Variants in PARS2 observed in about 807,000 individuals in gnomAD.
The protein encoded by PARS2 is prolyl-tRNA synthetase 2, mitochondrial, also known as probable proline--tRNA ligase, mitochondrial.
Under a neutral mutation model 27.4 loss-of-function variants are expected in PARS2, and 20 were observed. That is an observed-to-expected ratio of 0.73 (90% CI 0.51 to 1.06). PARS2 has a LOEUF of 1.06. Ranked by LOEUF, PARS2 falls within the 50% of genes least tolerant of loss-of-function variation. PARS2 has a pLI of 0.00. For missense variants in PARS2, 585 were observed against 602.1 expected, an observed-to-expected ratio of 0.97 and a Z score of 0.30; for synonymous variants, 240 against 247.1, an observed-to-expected ratio of 0.97 and a Z score of 0.27.
chr1:54,760,289 A>G (rs1646148278), intron 1 of PARS2, among the ~76,000 whole-genome samples: 1 of 152,192 alleles, frequency 6.6e-6, no homozygotes, highest in African/African-American at 2.4e-5. Context: ...GAATGAACTC[A>G]GCATTCTCCC....
chr1:54,757,344 A>C lies in PARS2; in HGVS notation c.*390T>G. On this transcript the variant is annotated 3_prime_UTR_variant, in exon 2 of 2. Transcript: ENST00000371279. ...TGGTCAAACTGATACGGGGTGGGGA[A>C]GGTTGGTGGGCTCTCAGCCATCAGC... 6.1e-6 allele frequency: 1 copy of C among 163,424 alleles called. No homozygotes were observed. The allele number at this position is 163,424 out of a possible 1,614,324, so 10.1% of individuals were successfully genotyped here. A position where few individuals can be genotyped will look rare whatever the true frequency, so the allele number is the denominator to read the frequency against.
intron 1 of PARS2, 45 bp from the exon 2 acceptor site, chr1:54,759,235 C>T (rs1405095996): frequency 1.6e-6 from 2 of 1,270,912 alleles, no homozygotes; most frequent in Non-Finnish European, 2.1e-6. Flanking sequence ...ATCCGTGTTC[C>T]AACACCATGA....
rs142468095 is a variant in PARS2 at position 54,758,182 on chromosome 1, T to C, written c.980A>G (p.Asn327Ser). 2 of 1,614,172 alleles carry C rather than the reference T, an allele frequency of 1.2e-6. No homozygotes were observed. Among genetic ancestry groups the C allele is most frequent in the Non-Finnish European group, 1.7e-6 (2 of 1,180,014 alleles). Reference protein sequence around the residue: ...YSSIFNAQFTNVCGKPTLAEM... With the variant: ...YSSIFNAQFTSVCGKPTLAEM... ...AGCCAGGGTTGGTTTGCCACAGACA[T>C]TGGTAAACTGGGCATTGAAAATGGA... The change falls in exon 2 of 2, where the codon AAT becomes AGT. Residue 327 changes from asparagine (N) to serine (S), a missense_variant. Physicochemically the swap from Asn to Ser is conservative, Grantham distance 46. Transcript: ENST00000371279.
chr1:54,759,111 G>GTT lies in PARS2; in HGVS notation c.50_51insAA (p.Cys17Ter). 1 of 1,611,082 alleles carries GTT rather than the reference G, an allele frequency of 6.2e-7. No homozygotes were observed. Among genetic ancestry groups the GTT allele is most frequent in the South Asian group, 1.1e-5 (1 of 90,922 alleles). ...GAACATACCCAGAGAGCTGGCGGCT[G>GTT]CAGGTGGCCAGGGCGGGCAATGCTC... ...RCRALPALAT[C>*]SRQLSGYVPC... is the part of the protein sequence containing the mutation. The change falls in exon 2 of 2, where the codon TGC (cysteine) becomes TGAAC (stop). Residue 17 changes from cysteine (C) to a stop codon, truncating the protein, a stop_gained and frameshift_variant. Transcript: ENST00000371279. LOFTEE classifies it high-confidence loss of function.
In PARS2 at chr1:54,759,012, G is replaced by T. The variant is rs756197119; in HGVS notation, c.150C>A (p.Asn50Lys). Residue 50 changes from asparagine (N) to lysine (K), a missense_variant, in exon 2 of 2, where the codon AAC (asparagine) becomes AAA (lysine). Coordinates refer to ENST00000371279, the MANE Select transcript of PARS2 (RefSeq NM_152268.4). Reference sequence around the variant, plus strand: ...GGGAGAGCACCCGGTCTTCCCGAAGGTTCTGTGGCTGGAACACACGAGACA... The same window carrying T: ...GGGAGAGCACCCGGTCTTCCCGAAGTTTCTGTGGCTGGAACACACGAGACA... ...LLLSRVFQPQ[N>K]LREDRVLSLQ... 1.7e-5 allele frequency: 28 copies of T among 1,614,102 alleles called. No individual in the cohort carries two copies. Among genetic ancestry groups the T allele is most frequent in the Admixed American group, 1.7e-5 (1 of 60,008 alleles).
At position 54,758,236 on chromosome 1, in the gene PARS2, T is replaced by C; in HGVS notation, c.926A>G (p.His309Arg). 6.2e-7 allele frequency: 1 copy of C among 1,614,236 alleles called. No individual in the cohort carries two copies. Among genetic ancestry groups the C allele is most frequent in the Non-Finnish European group, 8.5e-7 (1 of 1,180,038 alleles). Residue 309 changes from histidine (H) to arginine (R), a missense_variant, in exon 2 of 2, where the codon CAC becomes CGC. His to Arg is a conservative substitution (Grantham distance 29, BLOSUM62 0). Coordinates refer to ENST00000371279, the MANE Select transcript of PARS2 (RefSeq NM_152268.4). ...GTACTTGGTACCCAGGTAAAATGTG[T>C]GCCCCACCTCAATGCCTTTGGTTTT... Reference protein sequence around the residue: ...LTKTKGIEVGHTFYLGTKYSS... With the variant: ...LTKTKGIEVGRTFYLGTKYSS...
In PARS2 at chr1:54,758,163, G is replaced by C; in HGVS notation, c.999C>G (p.Thr333=). ...AGCCATAGCACCCCATTTCAGCCAGGGTTGGTTTGCCACAGACATTGGTAA... is the reference window on the plus strand; with the variant it reads ...AGCCATAGCACCCCATTTCAGCCAGCGTTGGTTTGCCACAGACATTGGTAA... ...AQFTNVCGKP[T]LAEMGCYGLG... Residue 333 remains threonine, a synonymous_variant, in exon 2 of 2, where the codon ACC becomes ACG. Transcript: ENST00000371279. 6.2e-7 allele frequency: 1 copy of C among 1,614,210 alleles called. No homozygotes were observed. Among genetic ancestry groups the C allele is most frequent in the South Asian group, 1.1e-5 (1 of 91,090 alleles).
Position 54,757,773 on chromosome 1 carries a change from A to C in PARS2, c.1389T>G (p.Asp463Glu). 6.2e-7 allele frequency: 1 copy of C among 1,613,726 alleles called. No individual in the cohort carries two copies. Among genetic ancestry groups the C allele is most frequent in the Non-Finnish European group, 8.5e-7 (1 of 1,179,840 alleles). Residue 463 changes from aspartate to glutamate, a missense_variant, in exon 2 of 2, where the codon GAT becomes GAG. By Grantham distance (45) the Asp-to-Glu change is conservative. Coordinates refer to ENST00000371279, the MANE Select transcript of PARS2 (RefSeq NM_152268.4). ...NTGEVAFLTK[D>E]GVMDLLTPVQ... ...CTGGGGTCAGTAAATCCATGACTCC[A>C]TCTTTGGTGAGGAAGGCCACCTCAC...
intron 1 of PARS2, among the ~76,000 whole-genome samples, chr1:54,763,912 C>T (rs540540324): frequency 5.9e-5 from 9 of 152,204 alleles, no homozygotes; most frequent in Admixed American, 2.0e-4. Context: ...ATGCCCAACT[C>T]AGAAAAGGGA....
rs769480068 is a variant in PARS2 at position 54,759,157 on chromosome 1, T to G, written c.5A>C (p.Glu2Ala). Reference protein sequence around the residue: MEGLLTRCRALP... With the variant: MAGLLTRCRALP... ...TGCTCTGCATCTTGTCAGCAGCCCTTCCATGACACCCTGGCACCGGGAAGC... is the reference window on the plus strand; with the variant it reads ...TGCTCTGCATCTTGTCAGCAGCCCTGCCATGACACCCTGGCACCGGGAAGC... The change falls in exon 2 of 2, where the codon GAA becomes GCA. Residue 2 changes from glutamate to alanine, a missense_variant. Transcript: ENST00000371279. 2 of 1,583,712 alleles carry G rather than the reference T, an allele frequency of 1.3e-6. No individual in the cohort carries two copies. The highest frequency in any genetic ancestry group is 2.3e-5 in the South Asian group (2 of 88,106).
rs747606931 is a variant in PARS2 at position 54,758,412 on chromosome 1, G to A, written c.750C>T (p.Thr250=). The change falls in exon 2 of 2, where the codon ACC becomes ACT. Residue 250 remains threonine (T), a synonymous_variant. Transcript: ENST00000371279. ...ACTCATGAGACACTGTGCCCCCGAT[G>A]GTGCCCACATCGGCCTGGACCTTGA... ...PFVKVQADVG[T]IGGTVSHEFQ... is the part of the protein sequence containing the mutation. 1.2e-6 allele frequency: 2 copies of A among 1,614,182 alleles called. No individual in the cohort carries two copies. Among genetic ancestry groups the A allele is most frequent in the South Asian group, 2.2e-5 (2 of 91,088 alleles).
chr1:54,760,538 C>T (rs1397684567), intron 1 of PARS2, among the ~76,000 whole-genome samples: 1 of 152,194 alleles, frequency 6.6e-6, no homozygotes, highest in African/African-American at 2.4e-5. Flanking sequence ...GTTGCAACAG[C>T]CTCCCCACTG....
Position 54,759,069 on chromosome 1 carries a change from G to A in PARS2, c.93C>T (p.His31=), listed in dbSNP as rs1646139346. The change falls in exon 2 of 2, where the codon CAC becomes CAT. Residue 31 remains histidine (H), a synonymous_variant. Coordinates refer to ENST00000371279, the MANE Select transcript of PARS2 (RefSeq NM_152268.4). ...GGCGCCGCCCTCTTCTTGGGGCACA[G>A]TGGTGAAACCTGCAAGGAACATACC... ...LSGYVPCRFH[H]CAPRRGRRLL... The A allele has an allele frequency of 1.9e-6, 3 of 1,614,074 alleles. No individual in the cohort carries two copies. The highest frequency in any genetic ancestry group is 2.5e-6 in the Non-Finnish European group (3 of 1,180,044).
chr1:54,757,246 A>G lies in PARS2; in HGVS notation c.*488T>C, dbSNP rs1646125281. The G allele has an allele frequency of 6.6e-6, 1 of 152,436 alleles. No individual in the cohort carries two copies. The highest frequency in any genetic ancestry group is 6.5e-5 in the Admixed American group (1 of 15,278). 9.4% of individuals were successfully genotyped at this position (152,436 alleles called of 1,614,324 possible). ...CAGGTCTCTTGATTCTTTTCCCCAT[A>G]CTCTCAGCCCAACTTCTCAGTGGAG... On this transcript the variant is annotated 3_prime_UTR_variant, in exon 2 of 2. Transcript: ENST00000371279.
Position 54,757,662 on chromosome 1 carries a change from G to C in PARS2, c.*72C>G. 1.0e-6 allele frequency: 1 copy of C among 975,012 alleles called. No individual in the cohort carries two copies. The highest frequency in any genetic ancestry group is 1.6e-6 in the Non-Finnish European group (1 of 643,674). 60.4% of individuals were successfully genotyped at this position (975,012 alleles called of 1,614,324 possible). ...TTTCTGGAGAGAGCAGTCCAGGAAA[G>C]GGGTGTAGGAAAATGCAGTGTTAGA... On this transcript the variant is annotated 3_prime_UTR_variant, in exon 2 of 2. Coordinates refer to ENST00000371279, the MANE Select transcript of PARS2 (RefSeq NM_152268.4).
Position 54,757,722 on chromosome 1 carries a change from G to A in PARS2, c.*12C>T. On this transcript the variant is annotated 3_prime_UTR_variant, in exon 2 of 2. Coordinates refer to ENST00000371279, the MANE Select transcript of PARS2 (RefSeq NM_152268.4). ...AAGGCTGCAAATGGGGGCAGGGGTG[G>A]GCTGGGGGCATTTAGACAGTCTGCA... The A allele has an allele frequency of 6.4e-7, 1 of 1,568,234 alleles. No individual in the cohort carries two copies. The highest frequency in any genetic ancestry group is 8.7e-7 in the Non-Finnish European group (1 of 1,147,188).
At position 54,758,566 on chromosome 1, in the gene PARS2, A is replaced by C. The variant is rs1646135721; in HGVS notation, c.596T>G (p.Leu199Arg). The C allele has an allele frequency of 2.5e-6, 4 of 1,614,218 alleles. No homozygotes were observed. The highest frequency in any genetic ancestry group is 3.4e-6 in the Non-Finnish European group (4 of 1,180,036). Residue 199 changes from leucine (L) to arginine (R), a missense_variant, in exon 2 of 2, where the codon CTC becomes CGC. Coordinates refer to ENST00000371279, the MANE Select transcript of PARS2 (RefSeq NM_152268.4). Reference protein sequence around the residue: ...RDEPRPRFGLLRGREFYMKDM... With the variant: ...RDEPRPRFGLRRGREFYMKDM... ...CTTCATGTAAAACTCTCGGCCACGG[A>C]GAAGACCAAAGCGGGGCCTGGGCTC...
At position 54,757,547 on chromosome 1, in the gene PARS2, G is replaced by A; in HGVS notation, c.*187C>T. The A allele has an allele frequency of 1.8e-6, 1 of 560,848 alleles. No individual in the cohort carries two copies. Among genetic ancestry groups the A allele is most frequent in the South Asian group, 2.4e-5 (1 of 41,380 alleles). The allele number at this position is 560,848 out of a possible 1,614,324, so 34.7% of individuals were successfully genotyped here. Reference sequence around the variant, plus strand: ...TGGCCAGTCTGGAGAAAGGGATCAAGTTAATGACTTTAAATACAAATAATC... The same window carrying A: ...TGGCCAGTCTGGAGAAAGGGATCAAATTAATGACTTTAAATACAAATAATC... On this transcript the variant is annotated 3_prime_UTR_variant, in exon 2 of 2. Coordinates refer to ENST00000371279, the MANE Select transcript of PARS2 (RefSeq NM_152268.4).
At chr1:54,761,127 C>A (rs1049235062) in intron 1 of PARS2, among the ~76,000 whole-genome samples, 1 of 152,296 alleles carries the variant, frequency 6.6e-6, no homozygotes, top group Non-Finnish European at 1.5e-5. Context: ...ACACCCCTCT[C>A]CCCTTTTCCT....
Sources: gnomAD v4.1 joint callset for allele counts (sites outside exome capture counted in the v4.1 genomes callset) on GRCh38, gnomAD v4.1.1 for gene constraint, MANE v1.5 for transcripts, NCBI Gene and HGNC (gene_info 2026-07-23, HGNC 2026-07-21) for gene names.